The following TSPAN4 variants were observed in gnomAD, a reference collection of about 807,000 sequenced individuals.
TSPAN4 encodes the protein tetraspanin 4.
In TSPAN4, 38 loss-of-function variants were observed where a neutral mutation model predicts 31.5. That is an observed-to-expected ratio of 1.21 (90% CI 0.93 to 1.58). The LOEUF (loss-of-function observed/expected upper bound fraction) is 1.58, where lower values mean the gene tolerates loss of function less well. Ranked by LOEUF, TSPAN4 falls within the 40% of genes most tolerant of loss-of-function variation. The pLI, the probability that TSPAN4 is intolerant of heterozygous loss-of-function variation, is 0.00. For missense variants in TSPAN4, 330 were observed against 317.3 expected (o/e 1.04, Z -0.30); for synonymous variants, 186 against 144.6 (o/e 1.29, Z -2.06).
chr11:858,558 C>A, intron 3 of TSPAN4: 1 of 170,536 alleles, frequency 5.9e-6, no homozygotes, highest in Admixed American at 6.5e-5. Flanking sequence ...CCATGCACCC[C>A]AGGCTCACAT....
rs1211771776 is a variant in TSPAN4, at chr11:848,932, C to T, written c.-17-1356C>T. On this transcript the variant is annotated intron_variant, in intron 2 of 8. Transcript: ENST00000397397. The surrounding 1 kb of genome is among the most constrained non-coding windows in gnomAD (Gnocchi z 5.7). ...GTGCAGGCACATCTGCGCACGGGGC[C>T]GGTATGTCTGTACCTGTCAAGGGGT... 5.6e-6 allele frequency: 4 copies of T among 713,042 alleles called. No individual in the cohort carries two copies. The highest frequency in any genetic ancestry group is 3.5e-5 in the African/African-American group (2 of 57,136). The allele number at this position is 713,042 out of a possible 1,614,324, so 44.2% of individuals were successfully genotyped here.
chr11:862,915 C>CAA, intron 4 of TSPAN4, 174 bp downstream of exon 4: 1 of 661,650 alleles, frequency 1.5e-6, no homozygotes, highest in East Asian at 2.8e-5. Flanking sequence ...GTCTTCCAGG[C>CAA]CACACTGGGG....
At chr11:864,545 G>T in intron 5 of TSPAN4, 34 bp downstream of exon 5, 1 of 1,608,848 alleles carries the variant, frequency 6.2e-7, no homozygotes, top group Non-Finnish European at 8.5e-7. Context: ...CCAACTGCAG[G>T]GCTGGGGGCT....
intron 1 of TSPAN4, among the ~76,000 whole-genome samples, chr11:845,427 G>A (rs558931869): frequency 1.7e-4 from 26 of 152,320 alleles, no homozygotes; most frequent in Admixed American, 1.4e-3. Flanking sequence ...CGCTGTGAGC[G>A]GTGGGGCCTG....
chr11:863,961 G>A (rs1049713629), intron 4 of TSPAN4: 15 of 176,608 alleles, frequency 8.5e-5, no homozygotes, highest in Admixed American at 7.6e-4. Context: ...TGGCTGCCCT[G>A]AGGACTGTGA....
intron 3 of TSPAN4, among the ~76,000 whole-genome samples, chr11:852,900 A>C (rs570521819): frequency 5.3e-5 from 8 of 151,940 alleles, no homozygotes; most frequent in Admixed American, 6.5e-5. Context: ...GTCTGTCCTG[A>C]CCCCCCGCTG....
At chr11:850,388 G>T (rs1387211480) in intron 3 of TSPAN4, 21 bp downstream of exon 3, 16 of 1,592,966 alleles carry the variant, frequency 1.0e-5, no homozygotes, top group Non-Finnish European at 1.2e-5. Context: ...GGGCCGGGGT[G>T]GGGGCCCGGG....
In TSPAN4 at chr11:862,662, T is replaced by C. The variant is rs1476998842; in HGVS notation, c.176T>C (p.Ile59Thr). 4 of 1,613,368 alleles carry C rather than the reference T, an allele frequency of 2.5e-6. No homozygotes were observed. Among genetic ancestry groups the C allele is most frequent in the Admixed American group, 3.3e-5 (2 of 60,006 alleles). ...CTGTCGGCTGCCAACTTGCTCATCATCACCGGCGCCTTTGTCATGGCCATC... is the reference window on the plus strand; with the variant it reads ...CTGTCGGCTGCCAACTTGCTCATCACCACCGGCGCCTTTGTCATGGCCATC... ...PSLSAANLLIITGAFVMAIGF... is the reference protein window; with the variant it reads ...PSLSAANLLITTGAFVMAIGF... Residue 59 changes from isoleucine to threonine, a missense_variant, in exon 4 of 9, where the codon ATC becomes ACC. Coordinates refer to ENST00000397397, the MANE Select transcript of TSPAN4 (RefSeq NM_003271.5).
At chr11:850,405 CCGGGGTCCCTCCCG>C (rs749463797) in intron 3 of TSPAN4, 38 bp downstream of exon 3, 881 of 1,571,954 alleles carry the variant, frequency 5.6e-4, no homozygotes, top group Non-Finnish European at 7.3e-4. Flanking sequence ...CGGGAAAGAC[CCGGGGTCCCTCCCG>C]CGGCGGGTCG....
In TSPAN4 at chr11:854,983, T is replaced by C. The variant is rs545048625; in HGVS notation, c.63+4616T>C. ...GGCCCTGACGCTGGCAACCACAGCG[T>C]GTCTGAGCCTTGGGGAGTGTGTGGC... is the stretch of plus-strand genomic sequence containing the variant. On this transcript the variant is annotated intron_variant, in intron 3 of 8. Transcript: ENST00000397397. Among the ~76,000 whole-genome samples, 241 of 152,328 alleles carry C rather than the reference T, an allele frequency of 1.6e-3. 3 individuals carry two copies. The highest frequency in any genetic ancestry group is 2.3e-3 in the South Asian group (11 of 4,828).
chr11:850,575 C>G (rs1039432682), intron 3 of TSPAN4, among the ~76,000 whole-genome samples: 3 of 152,202 alleles, frequency 2.0e-5, no homozygotes, highest in Admixed American at 1.3e-4. Context: ...GGGGTCCGCC[C>G]CCTGCACTCA....
At chr11:854,472 G>T (rs1371097651) in intron 3 of TSPAN4, among the ~76,000 whole-genome samples, 1 of 145,118 alleles carries the variant, frequency 6.9e-6, no homozygotes, top group Non-Finnish European at 1.5e-5. Flanking sequence ...ATGGAAATGT[G>T]GGAGGCCTCT....
chr11:843,227 G>GCGC (rs1328738019), intron 1 of TSPAN4: 5 of 152,362 alleles, frequency 3.3e-5, no homozygotes, highest in Non-Finnish European at 5.9e-5. Flanking sequence ...GCCCCTAGGG[G>GCGC]CGCCGCCCTG....
chr11:855,897 G>T (rs924652103), intron 3 of TSPAN4, among the ~76,000 whole-genome samples: 1 of 152,202 alleles, frequency 6.6e-6, no homozygotes, highest in Non-Finnish European at 1.5e-5. Context: ...CAAGGACGTG[G>T]CTGGCAGCCC....
At chr11:858,379 C>G (rs1039722051) in intron 3 of TSPAN4, 3 of 152,782 alleles carry the variant, frequency 2.0e-5, no homozygotes, top group African/African-American at 7.3e-5. Context: ...TGCCCCAAGC[C>G]CAGTGCTCCC....
Position 848,707 on chromosome 11 carries a change from C to G in TSPAN4, c.-18+1407C>G, listed in dbSNP as rs1490388442. The G allele has an allele frequency of 1.9e-6, 1 of 520,350 alleles. No homozygotes were observed. The highest frequency in any genetic ancestry group is 2.0e-5 in the African/African-American group (1 of 51,230). The allele number at this position is 520,350 out of a possible 1,614,324, so 32.2% of individuals were successfully genotyped here. A position where few individuals can be genotyped will look rare whatever the true frequency, so the allele number is the denominator to read the frequency against. ...CCTCTTCCTCCTGCCCTTCCTCATT[C>G]CCCACCTCTGGGCTTCAGGTCATCT... is the stretch of plus-strand genomic sequence containing the variant. On this transcript the variant is annotated intron_variant, in intron 2 of 8. Transcript: ENST00000397397. This position sits in a 1 kb window ranked among gnomAD's most constrained non-coding sequence, Gnocchi z 5.7.
intron 3 of TSPAN4, among the ~76,000 whole-genome samples, chr11:851,357 G>A (rs539825709): frequency 2.0e-5 from 3 of 152,298 alleles, no homozygotes; most frequent in East Asian, 1.9e-4. Flanking sequence ...GCTGGGAGTC[G>A]GGGGTGTGGC....
intron 4 of TSPAN4, chr11:864,150 G>T: frequency 1.9e-6 from 1 of 529,612 alleles, no homozygotes. Flanking sequence ...TGCCCACTTG[G>T]GGGTGTCTGG....
intron 2 of TSPAN4, among the ~76,000 whole-genome samples, chr11:847,901 A>AG (rs1199422244): frequency 7.2e-5 from 11 of 152,098 alleles, no homozygotes; most frequent in Non-Finnish European, 4.4e-5. Context: ...GAGATGGGGC[A>AG]GGGGTGCCAC....
Sources: gnomAD v4.1 joint callset for allele counts (sites outside exome capture counted in the v4.1 genomes callset) on GRCh38, gnomAD v4.1.1 for gene constraint, Gnocchi (gnomAD v3.1) non-coding constraint, MANE v1.5 for transcripts, NCBI Gene and HGNC (gene_info 2026-07-23, HGNC 2026-07-21) for gene names.